The following RPS6KA5 variants were observed in gnomAD, a reference collection of about 807,000 sequenced individuals.
RPS6KA5 encodes the protein ribosomal protein S6 kinase alpha-5.
Under a neutral mutation model 85.5 loss-of-function variants are expected in RPS6KA5, and 27 were observed. The ratio of observed to expected loss-of-function variants is 0.32; its 90% CI spans 0.23 to 0.44. The LOEUF (loss-of-function observed/expected upper bound fraction) is 0.44, where lower values mean the gene tolerates loss of function less well. Ranked by LOEUF, RPS6KA5 falls within the 20% of genes least tolerant of loss-of-function variation. The pLI is 1.00. For missense variants in RPS6KA5, 811 were observed against 980.9 expected, an observed-to-expected ratio of 0.83 and a Z score of 2.31; for synonymous variants, 334 against 348.2, an observed-to-expected ratio of 0.96 and a Z score of 0.46.
chr14:90,968,774 G>A (rs1475855597), intron 3 of RPS6KA5, among the ~76,000 whole-genome samples: 2 of 152,086 alleles, frequency 1.3e-5, no homozygotes, highest in Non-Finnish European at 2.9e-5. Flanking sequence ...CTGAATTTTG[G>A]GTTAGTTATG....
chr14:91,058,813 T>A (rs1299731829), intron 1 of RPS6KA5, among the ~76,000 whole-genome samples: 1 of 152,064 alleles, frequency 6.6e-6, no homozygotes, highest in Admixed American at 6.5e-5. Flanking sequence ...AAAAAAACAA[T>A]GTTTACAAAT....
At chr14:90,943,044 T>C in intron 5 of RPS6KA5, 34 bp downstream of exon 5, 3 of 1,152,538 alleles carry the variant, frequency 2.6e-6, no homozygotes, top group Non-Finnish European at 2.6e-6. Context: ...GTTTACATGC[T>C]GTTATTACTA....
intron 5 of RPS6KA5, among the ~76,000 whole-genome samples, chr14:90,923,963 C>T (rs2036533966): frequency 1.3e-5 from 2 of 152,046 alleles, no homozygotes; most frequent in African/African-American, 4.8e-5. Flanking sequence ...CTCACAACCA[C>T]CCCAAGTTAA....
chr14:90,901,074 TC>T (rs1340069708), intron 9 of RPS6KA5, among the ~76,000 whole-genome samples: 1 of 151,988 alleles, frequency 6.6e-6, no homozygotes, highest in Non-Finnish European at 1.5e-5. Flanking sequence ...AACTAACTTC[TC>T]AAAAAAGGAT....
chr14:91,037,572 A>C (rs2042453130), intron 1 of RPS6KA5, among the ~76,000 whole-genome samples: 1 of 152,220 alleles, frequency 6.6e-6, no homozygotes, highest in Non-Finnish European at 1.5e-5. Context: ...AAGTATGGTC[A>C]GATAGTGTGT....
intron 3 of RPS6KA5, among the ~76,000 whole-genome samples, chr14:90,968,425 A>G (rs1315445170): frequency 2.6e-5 from 4 of 152,128 alleles, no homozygotes; most frequent in African/African-American, 7.2e-5. Context: ...TGTAATCTTA[A>G]TTCTTCTTTA....
intron 1 of RPS6KA5, among the ~76,000 whole-genome samples, chr14:91,018,282 T>G (rs544803023): frequency 1.3e-5 from 2 of 152,348 alleles, no homozygotes; most frequent in South Asian, 4.1e-4. Context: ...GTCTATATAT[T>G]AATATATGTA....
intron 3 of RPS6KA5, among the ~76,000 whole-genome samples, chr14:90,974,269 T>C (rs1041083941): frequency 3.3e-5 from 5 of 152,136 alleles, no homozygotes; most frequent in Non-Finnish European, 5.9e-5. Flanking sequence ...GTTTAACCTA[T>C]TGAGACTTTA....
intron 7 of RPS6KA5, among the ~76,000 whole-genome samples, chr14:90,919,187 T>C (rs917644407): frequency 4.6e-5 from 7 of 152,174 alleles, no homozygotes; most frequent in Non-Finnish European, 7.3e-5. Context: ...CTTGATCTTC[T>C]TGGACTCTCA....
At chr14:90,919,328 T>G (rs573184835) in intron 7 of RPS6KA5, among the ~76,000 whole-genome samples, 1 of 152,238 alleles carries the variant, frequency 6.6e-6, no homozygotes, top group African/African-American at 2.4e-5. Context: ...CACTTCCAGA[T>G]GTCCAATGTC....
At chr14:90,945,703 A>G (rs1202996162) in intron 4 of RPS6KA5, among the ~76,000 whole-genome samples, 1 of 152,230 alleles carries the variant, frequency 6.6e-6, no homozygotes, top group East Asian at 1.9e-4. Context: ...ACAATCAGCA[A>G]GTTTCACATA....
intron 5 of RPS6KA5, among the ~76,000 whole-genome samples, chr14:90,927,149 A>G (rs2036719776): frequency 6.6e-6 from 1 of 152,166 alleles, no homozygotes; most frequent in Non-Finnish European, 1.5e-5. Flanking sequence ...AAATCAGGGT[A>G]ATATTACAGA....
Position 90,861,826 on chromosome 14 carries a change from A to C in RPS6KA5, c.*10248T>G, listed in dbSNP as rs1052785195. On this transcript the variant is annotated 3_prime_UTR_variant, in exon 17 of 17. Coordinates refer to ENST00000614987, the MANE Select transcript of RPS6KA5 (RefSeq NM_004755.4). ...GGCAGGAGAATCGCTTGAACCAGGG[A>C]ATCAGAGGTTGCAGTGAGCCAAGAT... is the stretch of plus-strand genomic sequence containing the variant. 5 of 151,294 alleles carry C rather than the reference A, an allele frequency of 3.3e-5. No individual in the cohort carries two copies. Among genetic ancestry groups the C allele is most frequent in the Non-Finnish European group, 5.9e-5 (4 of 68,012 alleles). The allele number at this position is 151,294 out of a possible 1,614,324, so 9.4% of individuals were successfully genotyped here. A position where few individuals can be genotyped will look rare whatever the true frequency, so the allele number is the denominator to read the frequency against.
At chr14:90,941,069 A>C (rs2037546167) in intron 5 of RPS6KA5, among the ~76,000 whole-genome samples, 1 of 152,156 alleles carries the variant, frequency 6.6e-6, no homozygotes. Flanking sequence ...TGATCATCAA[A>C]TCTCTCTATG....
Position 90,849,492 on chromosome 14 carries a change from C to T in RPS6KA5, c.*22582G>A, listed in dbSNP as rs1261276958. 2.0e-5 allele frequency: 3 copies of T among 152,220 alleles called. No homozygotes were observed. Among genetic ancestry groups the T allele is most frequent in the Admixed American group, 1.3e-4 (2 of 15,276 alleles). 9.4% of individuals were successfully genotyped at this position (152,220 alleles called of 1,614,324 possible). On this transcript the variant is annotated 3_prime_UTR_variant, in exon 17 of 17. Transcript: ENST00000614987. Reference sequence around the variant, plus strand: ...GTGTAAACCTGTCTAAAACAGTGCACTTGGTGGCTACATACGGCTAATCGC... The same window carrying T: ...GTGTAAACCTGTCTAAAACAGTGCATTTGGTGGCTACATACGGCTAATCGC...
chr14:91,010,720 T>A lies in RPS6KA5; in HGVS notation c.104-9561A>T, dbSNP rs118089569. On this transcript the variant is annotated intron_variant, in intron 1 of 16. Coordinates refer to ENST00000614987, the MANE Select transcript of RPS6KA5 (RefSeq NM_004755.4). ...GGAATACAGGGGAAATGGGAAAGAATCATATGAAACTTTTTTCCAACTTAA... is the reference window on the plus strand; with the variant it reads ...GGAATACAGGGGAAATGGGAAAGAAACATATGAAACTTTTTTCCAACTTAA... Among the ~76,000 whole-genome samples the A allele has an allele frequency of 1.2e-3, 185 of 152,164 alleles. 6 individuals carry two copies. The East Asian group carries it at 0.026, about 21-fold the overall frequency.
At chr14:91,055,697 T>G (rs1595572069) in intron 1 of RPS6KA5, among the ~76,000 whole-genome samples, 1 of 152,166 alleles carries the variant, frequency 6.6e-6, no homozygotes, top group Non-Finnish European at 1.5e-5. Context: ...GAGGATCTCT[T>G]GAGCCTAGGA....
intron 1 of RPS6KA5, among the ~76,000 whole-genome samples, chr14:91,038,522 G>C (rs2042484392): frequency 1.3e-5 from 2 of 152,232 alleles, no homozygotes; most frequent in African/African-American, 4.8e-5. Flanking sequence ...CAAACTCAAT[G>C]ATTCAGATAA....
At chr14:91,020,988 T>C (rs2041750170) in intron 1 of RPS6KA5, among the ~76,000 whole-genome samples, 1 of 152,170 alleles carries the variant, frequency 6.6e-6, no homozygotes, top group South Asian at 2.1e-4. Flanking sequence ...ACAACATCAG[T>C]CTGTCCCTCA....
Sources: gnomAD v4.1 joint callset for allele counts (sites outside exome capture counted in the v4.1 genomes callset) on GRCh38, gnomAD v4.1.1 for gene constraint, MANE v1.5 for transcripts, NCBI Gene and HGNC (gene_info 2026-07-23, HGNC 2026-07-21) for gene names.